Variants in HDAC9 observed in about 807,000 individuals in gnomAD.
HDAC9 encodes the protein histone deacetylase 9, also known as MEF-2 interacting transcription repressor (MITR) protein.
In HDAC9, 41 loss-of-function variants were observed where a neutral mutation model predicts 139.4. The observed-to-expected ratio is 0.29, with a 90% CI of 0.23 to 0.38. HDAC9 has a LOEUF of 0.38. Among genes scored for constraint, HDAC9 ranks in the 10% least tolerant of loss-of-function variants. The probability of loss-of-function intolerance (pLI) is 1.00; values close to 1 mark genes in which losing one functional copy is unlikely to be tolerated. For synonymous variants in HDAC9, 517 were observed against 476.2 expected, an observed-to-expected ratio of 1.09 and a Z score of -1.12; for missense variants, 1,147 against 1,297.0, an observed-to-expected ratio of 0.88 and a Z score of 1.78.
intron 14 of HDAC9, among the ~76,000 whole-genome samples, chr7:18,757,420 A>G (rs2129152936): frequency 6.6e-6 from 1 of 152,250 alleles, no homozygotes; most frequent in African/African-American, 2.4e-5. Flanking sequence ...TTTAAGTTGG[A>G]CATTTTCTCT....
chr7:18,389,897 G>C (rs1562943614), intron 1 of HDAC9, among the ~76,000 whole-genome samples: 3 of 152,140 alleles, frequency 2.0e-5, no homozygotes. Flanking sequence ...ACTTTAGAGA[G>C]TGTGTGACTT....
intron 2 of HDAC9, among the ~76,000 whole-genome samples, chr7:18,259,680 T>C (rs1195994765): frequency 6.6e-6 from 1 of 152,174 alleles, no homozygotes; most frequent in African/African-American, 2.4e-5. Context: ...GCCAGTTTTA[T>C]CCTCAAGTGT....
chr7:18,892,155 T>C (rs1800740380), intron 22 of HDAC9: 1 of 152,158 alleles, frequency 6.6e-6, no homozygotes, highest in African/African-American at 2.4e-5. Context: ...ACCTGCGTTC[T>C]ACAGACACGA....
At chr7:18,934,307 A>C (rs950424409) in intron 22 of HDAC9, among the ~76,000 whole-genome samples, 2 of 152,066 alleles carry the variant, frequency 1.3e-5, no homozygotes, top group Non-Finnish European at 2.9e-5. Context: ...GGTCCCAACC[A>C]CATCAAAATT....
chr7:18,128,049 GA>G (rs1784780574), intron 1 of HDAC9, among the ~76,000 whole-genome samples: 1 of 151,986 alleles, frequency 6.6e-6, no homozygotes, highest in South Asian at 2.1e-4. Flanking sequence ...AATACAGAGG[GA>G]AAAGTTACGG....
intron 2 of HDAC9, among the ~76,000 whole-genome samples, chr7:18,277,509 C>T (rs981466975): frequency 4.6e-5 from 7 of 152,148 alleles, no homozygotes; most frequent in African/African-American, 1.7e-4. Context: ...ACAGATGAAG[C>T]TGGAGAAGTA....
chr7:18,252,950 T>C (rs7796706), intron 2 of HDAC9, among the ~76,000 whole-genome samples: 2,214 of 152,232 alleles, frequency 0.015, 58 homozygotes, highest in African/African-American at 0.05. Flanking sequence ...GTTGTTCCCC[T>C]CTATCTGTCC....
intron 1 of HDAC9, among the ~76,000 whole-genome samples, chr7:18,090,191 T>C (rs1202343700): frequency 6.6e-6 from 1 of 152,216 alleles, no homozygotes; most frequent in Non-Finnish European, 1.5e-5. Context: ...TACACCATAG[T>C]GAATCAGTGT....
Position 18,762,906 on chromosome 7 carries a change from T to C in HDAC9, c.2164+629T>C, listed in dbSNP as rs77086779. Among the ~76,000 whole-genome samples the C allele has an allele frequency of 1.8e-3, 273 of 152,312 alleles. 1 individual carries two copies. The highest frequency in any genetic ancestry group is 6.3e-3 in the African/African-American group (264 of 41,584). On this transcript the variant is annotated intron_variant, in intron 15 of 25. Coordinates refer to ENST00000686413, the MANE Select transcript of HDAC9 (RefSeq NM_178425.4). The stretch of plus-strand genomic sequence containing the variant: ...ATAAAATTTATATTGCAGAACTTTA[T>C]ATAAGCTTTATATGAGTGATAGAAA...
At chr7:18,175,415 A>T (rs1382548092) in intron 2 of HDAC9, among the ~76,000 whole-genome samples, 1 of 152,172 alleles carries the variant, frequency 6.6e-6, no homozygotes, top group African/African-American at 2.4e-5. Flanking sequence ...TGCACTTCCC[A>T]GGTGAGGTGA....
chr7:18,832,956 G>A (rs780847129), intron 19 of HDAC9, among the ~76,000 whole-genome samples: 12 of 151,848 alleles, frequency 7.9e-5, no homozygotes, highest in South Asian at 2.1e-4. Context: ...GGCTGGTCTC[G>A]AATTCCCAAC....
chr7:18,498,259 T>C (rs1797456576), intron 2 of HDAC9, among the ~76,000 whole-genome samples: 2 of 152,142 alleles, frequency 1.3e-5, no homozygotes, highest in Non-Finnish European at 2.9e-5. Context: ...CTAGTCTTTA[T>C]TGTATACTTC....
At chr7:18,303,975 G>A (rs1260035111) in intron 1 of HDAC9, among the ~76,000 whole-genome samples, 1 of 152,180 alleles carries the variant, frequency 6.6e-6, no homozygotes, top group Non-Finnish European at 1.5e-5. Context: ...CTTCTCTGTT[G>A]TTTACAACAC....
chr7:18,611,366 G>A (rs2128909694), intron 6 of HDAC9, among the ~76,000 whole-genome samples: 1 of 152,216 alleles, frequency 6.6e-6, no homozygotes, highest in African/African-American at 2.4e-5. Flanking sequence ...GAAAATTAAT[G>A]TTAACAGACT....
chr7:18,482,276 G>C (rs1001707541), intron 1 of HDAC9, among the ~76,000 whole-genome samples: 2 of 150,144 alleles, frequency 1.3e-5, no homozygotes, highest in African/African-American at 4.9e-5. Flanking sequence ...GAGCATAGTG[G>C]TGTGTACCTG....
At chr7:18,354,911 G>C (rs936802577) in intron 1 of HDAC9, among the ~76,000 whole-genome samples, 3 of 151,976 alleles carry the variant, frequency 2.0e-5, no homozygotes, top group African/African-American at 7.3e-5. Flanking sequence ...ATTCTTCCTG[G>C]TTTGTTCCTT....
intron 17 of HDAC9, among the ~76,000 whole-genome samples, chr7:18,795,257 TAAAAAAAAAAAAA>T (rs5882676): frequency 2.0e-4 from 13 of 65,482 alleles, no homozygotes; most frequent in African/African-American, 9.0e-4. Flanking sequence ...AAGAAAACAG[TAAAAAAAAAAAAA>T]AAAAAAAAAA....
At chr7:18,288,667 C>T (rs1207683191), upstream of HDAC9, among the ~76,000 whole-genome samples, 1 of 152,002 alleles carries the variant, frequency 6.6e-6, no homozygotes. Context: ...TTAGTAAAAG[C>T]GGCATTACAA....
chr7:18,263,157 T>G (rs911071410), intron 2 of HDAC9, among the ~76,000 whole-genome samples: 1 of 152,014 alleles, frequency 6.6e-6, no homozygotes, highest in Non-Finnish European at 1.5e-5. Flanking sequence ...ATGTAGAAAG[T>G]AAAAGAATGG....
Sources: allele counts gnomAD v4.1 joint callset (sites outside exome capture counted in the v4.1 genomes callset), GRCh38; gene constraint gnomAD v4.1.1; transcripts MANE v1.5; gene names NCBI Gene and HGNC (gene_info 2026-07-23, HGNC 2026-07-21).